Variants in AQP6 observed in about 807,000 individuals in gnomAD.
AQP6 encodes the protein aquaporin 6, also known as aquaporin-6.
In AQP6, 14 loss-of-function variants were observed where a neutral mutation model predicts 16.3. The ratio of observed to expected loss-of-function variants is 0.86; its 90% CI spans 0.57 to 1.34. The LOEUF is 1.34. Ranked by LOEUF, AQP6 falls within the 40% of genes most tolerant of loss-of-function variation. The pLI, the probability that AQP6 is intolerant of heterozygous loss-of-function variation, is 0.00. For missense variants in AQP6, 331 were observed against 379.7 expected (o/e 0.87, Z 1.07); for synonymous variants, 178 against 166.8 (o/e 1.07, Z -0.52).
In AQP6 at chr12:49,975,545, C is replaced by G; in HGVS notation, c.723C>G (p.Thr241=). ...TCGTCCTGTTCCCCGACACCAAGAC[C>G]CTGGCGCAGCGGCTGGCTATCCTCA... ...YNFVLFPDTK[T]LAQRLAILTG... The change falls in exon 4 of 4, where the codon ACC becomes ACG. Residue 241 remains threonine, a synonymous_variant. Coordinates refer to ENST00000315520, the MANE Select transcript of AQP6 (RefSeq NM_001652.4). This position sits in a 1 kb window ranked among gnomAD's most constrained non-coding sequence, Gnocchi z 4.4. 2 of 1,613,840 alleles carry G rather than the reference C, an allele frequency of 1.2e-6. No homozygotes were observed. The highest frequency in any genetic ancestry group is 1.7e-6 in the Non-Finnish European group (2 of 1,179,902).
In AQP6 at chr12:49,973,368, C is replaced by T. The variant is rs1947543842; in HGVS notation, c.195C>T (p.Val65=). ...AGATTGCCATCACCTTCAACCTGGT[C>T]ACCGCCATGGCTGTGCAGGTCACCT... is the stretch of plus-strand genomic sequence containing the variant. The part of the protein sequence containing the change: ...VLQIAITFNL[V]TAMAVQVTWK... Residue 65 remains valine, a synonymous_variant, in exon 1 of 4, where the codon GTC becomes GTT. Transcript: ENST00000315520. 6.2e-7 allele frequency: 1 copy of T among 1,613,434 alleles called. No individual in the cohort carries two copies. Among genetic ancestry groups the T allele is most frequent in the Non-Finnish European group, 8.5e-7 (1 of 1,180,026 alleles).
chr12:49,974,835 C>A lies in AQP6; in HGVS notation c.642+9C>A. ...AGTTCACAGTCCACTGGGTGAGCCC[C>A]TCTGCTGGCAGCCCTGGGGAGGGAA... On this transcript the variant is annotated intron_variant, in intron 3 of 3. Transcript: ENST00000315520. 1.2e-6 allele frequency: 2 copies of A among 1,614,094 alleles called. No homozygotes were observed. The highest frequency in any genetic ancestry group is 1.7e-6 in the Non-Finnish European group (2 of 1,179,936).
rs759390227 is a variant in AQP6, at chr12:49,975,518, C to T, written c.696C>T (p.Asn232=). 2.5e-6 allele frequency: 4 copies of T among 1,613,582 alleles called. No homozygotes were observed. Among genetic ancestry groups the T allele is most frequent in the Middle Eastern group, 1.7e-4 (1 of 6,050 alleles). Residue 232 remains asparagine, a synonymous_variant, in exon 4 of 4, where the codon AAC becomes AAT. Coordinates refer to ENST00000315520, the MANE Select transcript of AQP6 (RefSeq NM_001652.4). This position sits in a 1 kb window ranked among gnomAD's most constrained non-coding sequence, Gnocchi z 4.4. ...CCCTCCTGGCCTCACTGATCTACAACTTCGTCCTGTTCCCCGACACCAAGA... is the reference window on the plus strand; with the variant it reads ...CCCTCCTGGCCTCACTGATCTACAATTTCGTCCTGTTCCCCGACACCAAGA... ...MGALLASLIY[N]FVLFPDTKTL...
chr12:49,974,866 C>G, intron 3 of AQP6, 40 bp downstream of exon 3: 1 of 1,607,876 alleles, frequency 6.2e-7, no homozygotes, highest in Non-Finnish European at 8.5e-7. Flanking sequence ...GGGAAGGGAG[C>G]CTGAGTTGCC....
rs1947541511 is a variant in AQP6 at position 49,973,192 on chromosome 12, G to C, written c.19G>C (p.Gly7Arg). The C allele has an allele frequency of 6.2e-7, 1 of 1,608,706 alleles. No homozygotes were observed. The highest frequency in any genetic ancestry group is 1.1e-5 in the South Asian group (1 of 90,254). The part of the protein sequence containing the change: MDAVEP[G>R]GRGWASMLAC... ...CCAGGACATGGATGCAGTGGAGCCA[G>C]GGGGACGTGGCTGGGCCAGCATGTT... The change falls in exon 1 of 4, where the codon GGG becomes CGG. Residue 7 changes from glycine to arginine, a missense_variant. Coordinates refer to ENST00000315520, the MANE Select transcript of AQP6 (RefSeq NM_001652.4).
At position 49,975,874 on chromosome 12, in the gene AQP6, C is replaced by T; in HGVS notation, c.*203C>T. ...CCCATTCCCTCTCTGTAGGGCTTCC[C>T]CACCTCTCGGTGGGACAGAGCAGAG... On this transcript the variant is annotated 3_prime_UTR_variant, in exon 4 of 4. Transcript: ENST00000315520. This position sits in a 1 kb window ranked among gnomAD's most constrained non-coding sequence, Gnocchi z 4.4. 2 of 606,924 alleles carry T rather than the reference C, an allele frequency of 3.3e-6. No individual in the cohort carries two copies. The highest frequency in any genetic ancestry group is 5.0e-6 in the Non-Finnish European group (2 of 399,602). 37.6% of individuals were successfully genotyped at this position (606,924 alleles called of 1,614,324 possible). A position where few individuals can be genotyped will look rare whatever the true frequency, so the allele number is the denominator to read the frequency against.
chr12:49,974,449 T>A lies in AQP6; in HGVS notation c.528T>A (p.Ile176=). 5 of 1,611,966 alleles carry A rather than the reference T, an allele frequency of 3.1e-6. No individual in the cohort carries two copies. Among genetic ancestry groups the A allele is most frequent in the Non-Finnish European group, 4.2e-6 (5 of 1,178,762 alleles). ...RQTSGSPATM[I]GISVALGHLI... ...CATCAGGCTCCCCGGCCACCATGAT[T>A]GGGATCTCTGTGGCACTGGGCCACC... is the stretch of plus-strand genomic sequence containing the variant. The change falls in exon 2 of 4, where the codon ATT becomes ATA. Residue 176 remains isoleucine, a synonymous_variant. Coordinates refer to ENST00000315520, the MANE Select transcript of AQP6 (RefSeq NM_001652.4).
In AQP6 at chr12:49,974,476, C is replaced by T. The variant is rs1320314371; in HGVS notation, c.555C>T (p.Leu185=). 6.2e-7 allele frequency: 1 copy of T among 1,607,252 alleles called. No individual in the cohort carries two copies. Among genetic ancestry groups the T allele is most frequent in the African/African-American group, 1.3e-5 (1 of 74,834 alleles). Residue 185 remains leucine (L), a synonymous_variant, in exon 2 of 4, where the codon CTC becomes CTT. Coordinates refer to ENST00000315520, the MANE Select transcript of AQP6 (RefSeq NM_001652.4). ...MIGISVALGH[L]IGIHFTGCSM... is the part of the protein sequence containing the mutation. ...GGATCTCTGTGGCACTGGGCCACCT[C>T]ATTGGGGTAAGGAACAGAGGGGACA...
intron 1 of AQP6, 144 bp from the exon 2 acceptor site, chr12:49,974,180 C>T: frequency 1.4e-6 from 2 of 1,404,354 alleles, no homozygotes; most frequent in Non-Finnish European, 9.3e-7. Flanking sequence ...GACCCCTCTG[C>T]ACAGGCCTCC....
At position 49,976,889 on chromosome 12, in the gene AQP6, A is replaced by G. The variant is rs1947578751; in HGVS notation, c.*1218A>G. 2.9e-6 allele frequency: 2 copies of G among 695,380 alleles called. No homozygotes were observed. Among genetic ancestry groups the G allele is most frequent in the African/African-American group, 3.5e-5 (2 of 56,814 alleles). 43.1% of individuals were successfully genotyped at this position (695,380 alleles called of 1,614,324 possible). On this transcript the variant is annotated 3_prime_UTR_variant, in exon 4 of 4. Coordinates refer to ENST00000315520, the MANE Select transcript of AQP6 (RefSeq NM_001652.4). Reference sequence around the variant, plus strand: ...TAAGGGTGGTAGGAACCCAGGAGGGACCCAGGAAACTAAGATTTGAGATTC... The same window carrying G: ...TAAGGGTGGTAGGAACCCAGGAGGGGCCCAGGAAACTAAGATTTGAGATTC...
rs1007002443 is a variant in AQP6 at position 49,977,038 on chromosome 12, C to T, written c.*1367C>T. On this transcript the variant is annotated 3_prime_UTR_variant, in exon 4 of 4. Coordinates refer to ENST00000315520, the MANE Select transcript of AQP6 (RefSeq NM_001652.4). ...GGCTTCTCCAGCTGTAAAATGGACA[C>T]ACAATCCTCCTCCAGGGACTGCTGT... The T allele has an allele frequency of 2.8e-6, 2 of 702,236 alleles. No individual in the cohort carries two copies. Among genetic ancestry groups the T allele is most frequent in the African/African-American group, 3.5e-5 (2 of 57,246 alleles). The allele number at this position is 702,236 out of a possible 1,614,324, so 43.5% of individuals were successfully genotyped here.
At position 49,973,072 on chromosome 12, in the gene AQP6, G is replaced by T. The variant is rs1403330760; in HGVS notation, c.-102G>T. On this transcript the variant is annotated 5_prime_UTR_variant, in exon 1 of 4. Coordinates refer to ENST00000315520, the MANE Select transcript of AQP6 (RefSeq NM_001652.4). ...AGCCTCCACAGAGAGCAAAAGCCAG[G>T]GTCAGCCAGAGACAGGACACCAGAA... is the stretch of plus-strand genomic sequence containing the variant. 5 of 1,439,796 alleles carry T rather than the reference G, an allele frequency of 3.5e-6. No homozygotes were observed. Among genetic ancestry groups the T allele is most frequent in the Non-Finnish European group, 4.6e-6 (5 of 1,094,798 alleles). The allele number at this position is 1,439,796 out of a possible 1,614,324, so 89.2% of individuals were successfully genotyped here.
chr12:49,975,699 G>T lies in AQP6; in HGVS notation c.*28G>T. On this transcript the variant is annotated 3_prime_UTR_variant, in exon 4 of 4. Coordinates refer to ENST00000315520, the MANE Select transcript of AQP6 (RefSeq NM_001652.4). This position sits in a 1 kb window ranked among gnomAD's most constrained non-coding sequence, Gnocchi z 4.4. ...CAGCCTACGCCTGGCCGCGCCCTTGGGCTTCCTGCCTTGCAGGACCTGCCT... is the reference window on the plus strand; with the variant it reads ...CAGCCTACGCCTGGCCGCGCCCTTGTGCTTCCTGCCTTGCAGGACCTGCCT... The T allele has an allele frequency of 6.7e-7, 1 of 1,489,266 alleles. No homozygotes were observed. The highest frequency in any genetic ancestry group is 1.4e-5 in the South Asian group (1 of 72,190). The allele number at this position is 1,489,266 out of a possible 1,614,324, so 92.3% of individuals were successfully genotyped here. A position where few individuals can be genotyped will look rare whatever the true frequency, so the allele number is the denominator to read the frequency against.
rs1947569503 is a variant in AQP6 at position 49,975,880 on chromosome 12, C to G, written c.*209C>G. The G allele has an allele frequency of 1.8e-6, 1 of 553,886 alleles. No homozygotes were observed. Among genetic ancestry groups the G allele is most frequent in the African/African-American group, 1.9e-5 (1 of 51,968 alleles). The allele number at this position is 553,886 out of a possible 1,614,324, so 34.3% of individuals were successfully genotyped here. A position where few individuals can be genotyped will look rare whatever the true frequency, so the allele number is the denominator to read the frequency against. ...CCCTCTCTGTAGGGCTTCCCCACCTCTCGGTGGGACAGAGCAGAGGAAGGC... is the reference window on the plus strand; with the variant it reads ...CCCTCTCTGTAGGGCTTCCCCACCTGTCGGTGGGACAGAGCAGAGGAAGGC... On this transcript the variant is annotated 3_prime_UTR_variant, in exon 4 of 4. Coordinates refer to ENST00000315520, the MANE Select transcript of AQP6 (RefSeq NM_001652.4). This position sits in a 1 kb window ranked among gnomAD's most constrained non-coding sequence, Gnocchi z 4.4.
In AQP6 at chr12:49,976,635, T is replaced by TAGAGAGGTGGGATAGAGGA; in HGVS notation, c.*967_*985dup. 1 of 287,178 alleles carries TAGAGAGGTGGGATAGAGGA rather than the reference T, an allele frequency of 3.5e-6. No individual in the cohort carries two copies. The highest frequency in any genetic ancestry group is 6.7e-5 in the East Asian group (1 of 14,900). The allele number at this position is 287,178 out of a possible 1,614,324, so 17.8% of individuals were successfully genotyped here. ...AGAGAAGAACATTTTCTCAGGCTCG[T>TAGAGAGGTGGGATAGAGGA]AGAGAGGTGGGATAGAGGAAGGGAG... On this transcript the variant is annotated 3_prime_UTR_variant, in exon 4 of 4. Coordinates refer to ENST00000315520, the MANE Select transcript of AQP6 (RefSeq NM_001652.4).
In AQP6 at chr12:49,972,996, C is replaced by T. The variant is rs138438584; in HGVS notation, c.-178C>T. Reference sequence around the variant, plus strand: ...CTGCGCCCTGCCAGTCTGACCAGCACAGTCCTGGGGACAGGAGCGTGGTGG... The same window carrying T: ...CTGCGCCCTGCCAGTCTGACCAGCATAGTCCTGGGGACAGGAGCGTGGTGG... On this transcript the variant is annotated 5_prime_UTR_variant, in exon 1 of 4. Transcript: ENST00000315520. The T allele has an allele frequency of 3.5e-6, 3 of 863,314 alleles. No individual in the cohort carries two copies. Among genetic ancestry groups the T allele is most frequent in the Non-Finnish European group, 5.2e-6 (3 of 579,358 alleles). 53.5% of individuals were successfully genotyped at this position (863,314 alleles called of 1,614,324 possible). A position where few individuals can be genotyped will look rare whatever the true frequency, so the allele number is the denominator to read the frequency against.
At chr12:49,974,615 A>G (rs1179219635) in intron 2 of AQP6, 131 bp from the exon 3 acceptor site, 5 of 1,419,582 alleles carry the variant, frequency 3.5e-6, no homozygotes, top group Non-Finnish European at 4.8e-6. Context: ...TACCCCCTGC[A>G]CTCTAGGCCC....
chr12:49,974,311 T>C lies in AQP6; in HGVS notation c.403-13T>C, dbSNP rs1248499437. The C allele has an allele frequency of 2.0e-6, 3 of 1,530,190 alleles. No homozygotes were observed. The highest frequency in any genetic ancestry group is 2.3e-5 in the East Asian group (1 of 43,122). 94.8% of individuals were successfully genotyped at this position (1,530,190 alleles called of 1,614,324 possible). ...GAGCCCGCGTCTGGTCCAGAGTAAC[T>C]CCCTCTGTCCAGGTCCGGAACAGTG... On this transcript the variant is annotated splice_polypyrimidine_tract_variant and intron_variant, in intron 1 of 3. Transcript: ENST00000315520.
intron 2 of AQP6, 33 bp downstream of exon 2, chr12:49,974,515 C>A: frequency 6.4e-7 from 1 of 1,566,570 alleles, no homozygotes; most frequent in South Asian, 1.2e-5. Flanking sequence ...TGCACATGCA[C>A]ACACCGGGTC....
Sources: allele counts gnomAD v4.1 joint callset, GRCh38; gene constraint gnomAD v4.1.1; non-coding constraint Gnocchi (gnomAD v3.1); transcripts MANE v1.5; gene names NCBI Gene and HGNC (gene_info 2026-07-23, HGNC 2026-07-21).